Variants in SPRYD7 observed in about 807,000 individuals in gnomAD.
SPRYD7 encodes the protein SPRY domain-containing protein 7.
Under a neutral mutation model 23.8 loss-of-function variants are expected in SPRYD7, and 14 were observed. The observed-to-expected ratio is 0.59, with a 90% CI of 0.39 to 0.92. The LOEUF is 0.92. Ranked by LOEUF, SPRYD7 falls within the 40% of genes least tolerant of loss-of-function variation. SPRYD7 has a pLI of 0.00. For synonymous variants in SPRYD7, 75 were observed against 84.9 expected, an observed-to-expected ratio of 0.88 and a Z score of 0.64; for missense variants, 194 against 241.7, an observed-to-expected ratio of 0.80 and a Z score of 1.31.
In SPRYD7 at chr13:49,931,147, T is replaced by C. The variant is rs145273352; in HGVS notation, c.107-13A>G. On this transcript the variant is annotated splice_polypyrimidine_tract_variant and intron_variant, in intron 1 of 4. Transcript: ENST00000361840. The stretch of plus-strand genomic sequence containing the variant: ...ACAACATCTGTTCCTAAACAAAAAA[T>C]GCAGACACTATGTAAAGTTTTGTAT... 13 of 1,474,470 alleles carry C rather than the reference T, an allele frequency of 8.8e-6. No homozygotes were observed. In the South Asian group the frequency reaches 9.4e-5, roughly 11 times the overall value. 91.3% of individuals were successfully genotyped at this position (1,474,470 alleles called of 1,614,324 possible).
Position 49,918,164 on chromosome 13 carries a change from G to A in SPRYD7, c.494-3004C>T, listed in dbSNP as rs189719078. ...AGGAGACTTGACCTCCCCGGCTCAA[G>A]AGATCCTCTCAGCTCAGCCTCTCAA... On this transcript the variant is annotated intron_variant, in intron 4 of 4. Transcript: ENST00000361840. Among the ~76,000 whole-genome samples, 89 of 152,206 alleles carry A rather than the reference G, an allele frequency of 5.8e-4. 1 individual carries two copies. The highest frequency in any genetic ancestry group is 1.9e-4 in the Non-Finnish European group (13 of 68,010).
chr13:49,936,066 G>A, intron 1 of SPRYD7, 64 bp downstream of exon 1: 1 of 1,241,770 alleles, frequency 8.1e-7, no homozygotes, highest in Non-Finnish European at 1.1e-6. Flanking sequence ...GACCCTGAAG[G>A]TCCCCCTGCC....
intron 3 of SPRYD7, among the ~76,000 whole-genome samples, 175 bp from the exon 4 acceptor site, chr13:49,921,755 G>T (rs775294342): frequency 1.3e-4 from 20 of 152,130 alleles, no homozygotes; most frequent in Non-Finnish European, 2.8e-4. Flanking sequence ...TGATTATGAG[G>T]GGGGATAAAG....
At position 49,914,810 on chromosome 13, in the gene SPRYD7, T is replaced by A. The variant is rs1345607932; in HGVS notation, c.*253A>T. The A allele has an allele frequency of 5.1e-6, 1 of 196,918 alleles. No individual in the cohort carries two copies. Among genetic ancestry groups the A allele is most frequent in the Non-Finnish European group, 1.1e-5 (1 of 94,308 alleles). The allele number at this position is 196,918 out of a possible 1,614,324, so 12.2% of individuals were successfully genotyped here. On this transcript the variant is annotated 3_prime_UTR_variant, in exon 5 of 5. Transcript: ENST00000361840. ...ATGTATATATAGTCATGTTATACTG[T>A]TAATTAAACCCATAATTCTATTTAT...
chr13:49,933,394 A>C (rs1396201519), intron 1 of SPRYD7, among the ~76,000 whole-genome samples: 2 of 152,096 alleles, frequency 1.3e-5, no homozygotes, highest in Non-Finnish European at 2.9e-5. Context: ...TGAGGTCAGG[A>C]GTTCAAGACC....
At chr13:49,920,214 G>A (rs972797246) in intron 4 of SPRYD7, among the ~76,000 whole-genome samples, 2 of 151,842 alleles carry the variant, frequency 1.3e-5, no homozygotes, top group Non-Finnish European at 2.9e-5. Flanking sequence ...TCGGGCCACT[G>A]CACTCCAGCC....
In SPRYD7 at chr13:49,913,249, A is replaced by T. The variant is rs1566398717; in HGVS notation, c.*1814T>A. ...AGCCTGGACAACATGGTGAAACCCC[A>T]TCTCTACTAAAAATACAAAAATTAC... is the stretch of plus-strand genomic sequence containing the variant. On this transcript the variant is annotated 3_prime_UTR_variant, in exon 5 of 5. Transcript: ENST00000361840. 6.6e-6 allele frequency: 1 copy of T among 151,990 alleles called. No individual in the cohort carries two copies. The highest frequency in any genetic ancestry group is 1.5e-5 in the Non-Finnish European group (1 of 68,066). The allele number at this position is 151,990 out of a possible 1,614,324, so 9.4% of individuals were successfully genotyped here. A position where few individuals can be genotyped will look rare whatever the true frequency, so the allele number is the denominator to read the frequency against.
chr13:49,929,186 T>G (rs1436928831), intron 2 of SPRYD7, among the ~76,000 whole-genome samples: 3 of 152,202 alleles, frequency 2.0e-5, no homozygotes, highest in Non-Finnish European at 2.9e-5. Flanking sequence ...GGCTTGAGCC[T>G]GTAGTTTCAG....
chr13:49,932,949 T>C (rs1308680938), intron 1 of SPRYD7, among the ~76,000 whole-genome samples: 1 of 152,204 alleles, frequency 6.6e-6, no homozygotes, highest in African/African-American at 2.4e-5. Context: ...GGCTACTCCA[T>C]ATACCTCCAG....
chr13:49,922,455 A>G (rs1955832206), intron 3 of SPRYD7, among the ~76,000 whole-genome samples: 1 of 152,000 alleles, frequency 6.6e-6, no homozygotes, highest in Admixed American at 6.6e-5. Flanking sequence ...TACTATCCCC[A>G]TTTTACAGAT....
chr13:49,934,880 G>A (rs1404628623), intron 1 of SPRYD7, among the ~76,000 whole-genome samples: 1 of 152,164 alleles, frequency 6.6e-6, no homozygotes, highest in Non-Finnish European at 1.5e-5. Context: ...TTATAACAAT[G>A]CCTGCCACCT....
At position 49,915,110 on chromosome 13, in the gene SPRYD7, G is replaced by T. The variant is rs774612280; in HGVS notation, c.544C>A (p.Pro182Thr). Residue 182 changes from proline to threonine, a missense_variant, in exon 5 of 5, where the codon CCT (proline) becomes ACT (threonine). Physicochemically the swap from Pro to Thr is conservative, Grantham distance 38 (BLOSUM62 -1). Coordinates refer to ENST00000361840, the MANE Select transcript of SPRYD7 (RefSeq NM_020456.4). ...AATATTTTTTCAAAACCAGGTGGAGGCGTATGATAAAACTCACTGAACTGG... is the reference window on the plus strand; with the variant it reads ...AATATTTTTTCAAAACCAGGTGGAGTCGTATGATAAAACTCACTGAACTGG... ...DCQFSEFYHTPPPGFEKILFE... is the reference protein window; with the variant it reads ...DCQFSEFYHTTPPGFEKILFE... 1 of 1,570,920 alleles carries T rather than the reference G, an allele frequency of 6.4e-7. No homozygotes were observed. Among genetic ancestry groups the T allele is most frequent in the Non-Finnish European group, 8.6e-7 (1 of 1,156,502 alleles).
Position 49,931,106 on chromosome 13 carries a change from T to C in SPRYD7, c.135A>G (p.Gly45=). Residue 45 remains glycine, a synonymous_variant, in exon 2 of 5, where the codon GGA becomes GGG. Coordinates refer to ENST00000361840, the MANE Select transcript of SPRYD7 (RefSeq NM_020456.4). ...AACCTCCTGTTCCACATATTCTTCT[T>C]CCATTCTTTACAATAACAACATCTG... ...MGTDVVIVKN[G]RRICGTGGCL... is the part of the protein sequence containing the mutation. 6 of 1,612,680 alleles carry C rather than the reference T, an allele frequency of 3.7e-6. No homozygotes were observed. Among genetic ancestry groups the C allele is most frequent in the Non-Finnish European group, 5.1e-6 (6 of 1,178,974 alleles).
At chr13:49,920,009 T>C (rs1955800452) in intron 4 of SPRYD7, among the ~76,000 whole-genome samples, 1 of 152,006 alleles carries the variant, frequency 6.6e-6, no homozygotes, top group Non-Finnish European at 1.5e-5. Flanking sequence ...GATGGGTATA[T>C]GAGGGTTTAT....
chr13:49,930,978 A>G, intron 2 of SPRYD7, 40 bp downstream of exon 2: 1 of 1,237,258 alleles, frequency 8.1e-7, no homozygotes, highest in East Asian at 2.4e-5. Flanking sequence ...AATATTTAGA[A>G]CAATTAGGAC....
At position 49,914,808 on chromosome 13, in the gene SPRYD7, T is replaced by C. The variant is rs534239742; in HGVS notation, c.*255A>G. On this transcript the variant is annotated 3_prime_UTR_variant, in exon 5 of 5. Transcript: ENST00000361840. The stretch of plus-strand genomic sequence containing the variant: ...ATATGTATATATAGTCATGTTATAC[T>C]GTTAATTAAACCCATAATTCTATTT... The C allele has an allele frequency of 2.1e-4, 40 of 194,968 alleles. No homozygotes were observed. Among genetic ancestry groups the C allele is most frequent in the African/African-American group, 8.4e-4 (36 of 42,818 alleles). 12.1% of individuals were successfully genotyped at this position (194,968 alleles called of 1,614,324 possible).
chr13:49,921,657 A>G (rs1184551833), intron 3 of SPRYD7, 77 bp from the exon 4 acceptor site: 2 of 903,944 alleles, frequency 2.2e-6, no homozygotes, highest in African/African-American at 3.3e-5. Context: ...TGGAAACACA[A>G]AAAGCTAAGC....
intron 3 of SPRYD7, among the ~76,000 whole-genome samples, chr13:49,927,300 G>A (rs1440717419): frequency 6.6e-6 from 1 of 152,080 alleles, no homozygotes; most frequent in Non-Finnish European, 1.5e-5. Flanking sequence ...TTCGAGATCA[G>A]CCTGGCCAAC....
intron 4 of SPRYD7, among the ~76,000 whole-genome samples, chr13:49,915,853 C>T (rs1410016397): frequency 6.6e-6 from 1 of 152,302 alleles, no homozygotes; most frequent in Non-Finnish European, 1.5e-5. Flanking sequence ...TGCTACACTT[C>T]TCAGCAATAA....
Sources: gnomAD v4.1 joint callset for allele counts (sites outside exome capture counted in the v4.1 genomes callset) on GRCh38, gnomAD v4.1.1 for gene constraint, MANE v1.5 for transcripts, NCBI Gene and HGNC (gene_info 2026-07-23, HGNC 2026-07-21) for gene names.